The following NRG1 variants were observed in gnomAD, a reference collection of about 807,000 sequenced individuals.
The protein encoded by NRG1 is neuregulin 1.
A neutral mutation model predicts 63.8 loss-of-function variants in NRG1; 18 were observed. The observed-to-expected ratio is 0.28, with a 90% CI of 0.19 to 0.42. NRG1 has a LOEUF of 0.42. Among genes scored for constraint, NRG1 ranks in the 10% least tolerant of loss-of-function variants. The pLI is 1.00. For synonymous variants in NRG1, 302 were observed against 301.3 expected, an observed-to-expected ratio of 1.00 and a Z score of -0.02; for missense variants, 762 against 814.7, an observed-to-expected ratio of 0.94 and a Z score of 0.79.
intron 1 of NRG1, among the ~76,000 whole-genome samples, chr8:31,648,146 TTTTTTG>T (rs1804472570): frequency 7.1e-6 from 1 of 141,374 alleles, no homozygotes; most frequent in Non-Finnish European, 1.5e-5. Flanking sequence ...TTTTTTTTTT[TTTTTTG>T]AGACGGAGTT....
At chr8:31,961,182 A>G (rs765690985) in intron 1 of NRG1, among the ~76,000 whole-genome samples, 4 of 152,216 alleles carry the variant, frequency 2.6e-5, no homozygotes, top group Non-Finnish European at 5.9e-5. Flanking sequence ...TCGCTTTGGA[A>G]GTCACTGTAA....
At chr8:32,075,481 C>T (rs1826358305) in intron 1 of NRG1, among the ~76,000 whole-genome samples, 2 of 151,854 alleles carry the variant, frequency 1.3e-5, no homozygotes, top group South Asian at 4.1e-4. Flanking sequence ...CCAATGTATT[C>T]CAGAACCCCC....
intron 1 of NRG1, among the ~76,000 whole-genome samples, chr8:31,719,597 C>T (rs573624106): frequency 2.6e-5 from 4 of 152,146 alleles, no homozygotes; most frequent in Non-Finnish European, 5.9e-5. Context: ...AGCATCAAAT[C>T]GCTGCGGTTA....
intron 1 of NRG1, among the ~76,000 whole-genome samples, chr8:31,998,909 T>C (rs183720553): frequency 5.9e-5 from 9 of 152,182 alleles, no homozygotes; most frequent in Non-Finnish European, 1.2e-4. Flanking sequence ...CTTTGCTTAT[T>C]AAGTTGAAGA....
intron 9 of NRG1, among the ~76,000 whole-genome samples, chr8:32,758,918 A>T (rs1478486424): frequency 6.6e-6 from 1 of 152,180 alleles, no homozygotes; most frequent in Non-Finnish European, 1.5e-5. Flanking sequence ...TTCAAATAGC[A>T]TTTAGCCTTC....
At chr8:32,437,413 G>C (rs906113445) in intron 1 of NRG1, among the ~76,000 whole-genome samples, 1 of 152,098 alleles carries the variant, frequency 6.6e-6, no homozygotes, top group Admixed American at 6.6e-5. Flanking sequence ...TTTATGTGCA[G>C]AATTCCTTGA....
At chr8:32,469,171 G>A (rs564421542) in intron 1 of NRG1, among the ~76,000 whole-genome samples, 15 of 152,304 alleles carry the variant, frequency 9.8e-5, no homozygotes, top group African/African-American at 3.6e-4. Flanking sequence ...GATGTAGGTA[G>A]ATTGAGAAGT....
chr8:32,260,079 G>C (rs1337479181), intron 1 of NRG1, among the ~76,000 whole-genome samples: 1 of 152,090 alleles, frequency 6.6e-6, no homozygotes, highest in African/African-American at 2.4e-5. Context: ...GTGATACTGG[G>C]ACACCATTGT....
chr8:32,208,600 T>C (rs1248776141), intron 1 of NRG1, among the ~76,000 whole-genome samples: 2 of 152,116 alleles, frequency 1.3e-5, no homozygotes, highest in African/African-American at 2.4e-5. Flanking sequence ...TATGAAAATA[T>C]AGATGTTCCA....
intron 1 of NRG1, among the ~76,000 whole-genome samples, chr8:32,346,561 A>C (rs1236969491): frequency 4.6e-5 from 7 of 152,010 alleles, no homozygotes; most frequent in Admixed American, 4.6e-4. Flanking sequence ...GGAAAAAAAA[A>C]AAAATCTATA....
intron 1 of NRG1, among the ~76,000 whole-genome samples, chr8:32,378,404 C>T (rs1365503693): frequency 6.6e-6 from 1 of 152,146 alleles, no homozygotes; most frequent in East Asian, 1.9e-4. Context: ...ATGACAGCCA[C>T]TGTGGTAGGT....
intron 1 of NRG1, among the ~76,000 whole-genome samples, chr8:32,195,904 T>C (rs575774449): frequency 6.6e-6 from 1 of 152,160 alleles, no homozygotes; most frequent in African/African-American, 2.4e-5. Flanking sequence ...CTGGAATGAC[T>C]CAGTGATATA....
chr8:31,909,824 C>G (rs1832795438), intron 1 of NRG1, among the ~76,000 whole-genome samples: 1 of 152,178 alleles, frequency 6.6e-6, no homozygotes, highest in Admixed American at 6.6e-5. Flanking sequence ...GTTGCTCTTC[C>G]TGGAGCTCCG....
rs150545192 is a variant in NRG1, at chr8:31,747,232, A to T, written c.37+107801A>T. Among the ~76,000 whole-genome samples the T allele has an allele frequency of 6.2e-4, 94 of 152,080 alleles. 2 individuals are homozygous for T. Among genetic ancestry groups the T allele is most frequent in the East Asian group, 5.2e-3 (27 of 5,146 alleles). On this transcript the variant is annotated intron_variant, in intron 1 of 10. Coordinates refer to the NRG1 transcript ENST00000519301. Reference sequence around the variant, plus strand: ...GGGGATGGATACCCCATTCTCCATGATGTGATTATTTCACATTGCATGCCT... The same window carrying T: ...GGGGATGGATACCCCATTCTCCATGTTGTGATTATTTCACATTGCATGCCT...
chr8:31,669,767 G>C (rs1806929662), intron 1 of NRG1, among the ~76,000 whole-genome samples: 1 of 152,146 alleles, frequency 6.6e-6, no homozygotes, highest in African/African-American at 2.4e-5. Context: ...TATCTGGTGT[G>C]CACAGAAAAG....
chr8:31,746,473 T>A (rs1033356629), intron 1 of NRG1, among the ~76,000 whole-genome samples: 4 of 152,000 alleles, frequency 2.6e-5, no homozygotes, highest in African/African-American at 9.7e-5. Context: ...CTGAACGTGA[T>A]GCAAAGGAGT....
chr8:31,778,770 T>C (rs1819401225), intron 1 of NRG1, among the ~76,000 whole-genome samples: 1 of 152,226 alleles, frequency 6.6e-6, no homozygotes, highest in South Asian at 2.1e-4. Context: ...TATGGAGAAA[T>C]GACTGGTTTT....
chr8:32,040,232 C>G (rs980518004), intron 1 of NRG1, among the ~76,000 whole-genome samples: 3 of 152,198 alleles, frequency 2.0e-5, no homozygotes, highest in African/African-American at 7.2e-5. Flanking sequence ...AATGACCTTC[C>G]TTAGAAGTTC....
intron 2 of NRG1, among the ~76,000 whole-genome samples, chr8:32,604,386 A>T (rs1396645630): frequency 1.3e-5 from 2 of 152,190 alleles, no homozygotes. Context: ...CTCAGTTAAC[A>T]TTAATGTGTG....
Sources: gnomAD v4.1 joint callset for allele counts (sites outside exome capture counted in the v4.1 genomes callset) on GRCh38, gnomAD v4.1.1 for gene constraint, MANE v1.5 for transcripts, NCBI Gene and HGNC (gene_info 2026-07-23, HGNC 2026-07-21) for gene names.